Variants in LRIF1 observed in about 807,000 individuals in gnomAD.
LRIF1 encodes the protein ligand dependent nuclear receptor interacting factor 1, also known as ligand-dependent nuclear receptor-interacting factor 1.
A neutral mutation model predicts 52.7 loss-of-function variants in LRIF1; 32 were observed. That is an observed-to-expected ratio of 0.61 (90% confidence interval 0.46 to 0.82). The LOEUF (loss-of-function observed/expected upper bound fraction) is 0.82. Among genes scored for constraint, LRIF1 ranks in the 40% least tolerant of loss-of-function variants. LRIF1 has a pLI of 0.00. For synonymous variants in LRIF1, 323 were observed against 317.4 expected, an observed-to-expected ratio of 1.02 and a Z score of -0.19; for missense variants, 887 against 892.0, an observed-to-expected ratio of 0.99 and a Z score of 0.07.
chr1:110,919,928 G>A, the LRIF1 span, among the ~76,000 whole-genome samples: 3 of 152,048 alleles, frequency 2.0e-5, no homozygotes, highest in African/African-American at 7.2e-5. Context: ...ATATACAGAT[G>A]ACAAATAAAC....
At chr1:110,924,589 C>T in the LRIF1 span, among the ~76,000 whole-genome samples, 1 of 152,180 alleles carries the variant, frequency 6.6e-6, no homozygotes. Flanking sequence ...ATCATGAGAA[C>T]AACATGGAGG....
intron 3 of LRIF1, among the ~76,000 whole-genome samples, chr1:110,948,856 C>G (rs1658330247): frequency 6.6e-6 from 1 of 152,034 alleles, no homozygotes; most frequent in Non-Finnish European, 1.5e-5. Flanking sequence ...ATAGACATTT[C>G]TTTTTATCAT....
chr1:110,912,171 T>TA, the LRIF1 span, among the ~76,000 whole-genome samples: 1 of 152,188 alleles, frequency 6.6e-6, no homozygotes, highest in African/African-American at 2.4e-5. Flanking sequence ...AAAACCAATG[T>TA]AAAAAAATCA....
At chr1:110,949,444 G>C (rs562011558) in intron 3 of LRIF1, among the ~76,000 whole-genome samples, 1 of 145,890 alleles carries the variant, frequency 6.9e-6, no homozygotes, top group East Asian at 2.0e-4. Flanking sequence ...TTTTGAGATG[G>C]AGTCCTGCCC....
At chr1:110,926,354 G>T in the LRIF1 span, among the ~76,000 whole-genome samples, 2 of 151,494 alleles carry the variant, frequency 1.3e-5, no homozygotes, top group Admixed American at 1.3e-4. Flanking sequence ...TGGAAATGGT[G>T]GTATATTCAT....
chr1:110,885,422 T>C, the LRIF1 span, among the ~76,000 whole-genome samples: 1 of 152,172 alleles, frequency 6.6e-6, no homozygotes, highest in South Asian at 2.1e-4. Flanking sequence ...CCTGTAGTCC[T>C]AGCCACTCGG....
chr1:110,931,113 T>A, the LRIF1 span, among the ~76,000 whole-genome samples: 9 of 152,166 alleles, frequency 5.9e-5, no homozygotes, highest in Non-Finnish European at 1.5e-5. Context: ...TAGGTATTTC[T>A]CCTAATGCTA....
At chr1:110,956,975 T>C (rs997266845) in intron 1 of LRIF1, among the ~76,000 whole-genome samples, 11 of 152,226 alleles carry the variant, frequency 7.2e-5, no homozygotes, top group African/African-American at 2.6e-4. Flanking sequence ...CCTAGGTACC[T>C]CTCTGTTGCA....
chr1:110,906,337 G>A, the LRIF1 span, among the ~76,000 whole-genome samples: 6 of 152,084 alleles, frequency 3.9e-5, no homozygotes, highest in Non-Finnish European at 7.4e-5. Context: ...TTGAGGCCAG[G>A]CATTTGAAAC....
At chr1:110,960,625 T>C (rs1658912028) in intron 1 of LRIF1, among the ~76,000 whole-genome samples, 1 of 152,228 alleles carries the variant, frequency 6.6e-6, no homozygotes, top group African/African-American at 2.4e-5. Context: ...AGCCTGAGTT[T>C]CATATTCAAA....
At chr1:110,955,509 C>T (rs973170527) in intron 1 of LRIF1, among the ~76,000 whole-genome samples, 13 of 152,240 alleles carry the variant, frequency 8.5e-5, no homozygotes, top group African/African-American at 2.9e-4. Context: ...ACCATTGCTT[C>T]TGATGCAATG....
At chr1:110,901,789 A>G in the LRIF1 span, among the ~76,000 whole-genome samples, 1 of 152,186 alleles carries the variant, frequency 6.6e-6, no homozygotes, top group Admixed American at 6.5e-5. Flanking sequence ...CATTCTCTTG[A>G]GTATCACAAG....
the LRIF1 span, among the ~76,000 whole-genome samples, chr1:110,903,157 G>T: frequency 6.6e-6 from 1 of 152,202 alleles, no homozygotes; most frequent in East Asian, 1.9e-4. Flanking sequence ...CAGCTACAGT[G>T]CTATGTGTTT....
chr1:110,946,037 C>G (rs1159990104), downstream of LRIF1, among the ~76,000 whole-genome samples: 2 of 152,180 alleles, frequency 1.3e-5, no homozygotes, highest in Non-Finnish European at 2.9e-5. Context: ...CATTAAAAAA[C>G]CTTGTACACA....
the LRIF1 span, chr1:110,941,945 C>T: frequency 1.3e-5 from 2 of 151,962 alleles, no homozygotes; most frequent in African/African-American, 2.4e-5. Flanking sequence ...TTTCTATATC[C>T]TTTCTTTCCT....
rs1658386114 is a variant in LRIF1 at position 110,949,853 on chromosome 1, G to C, written c.1867C>G (p.Gln623Glu). The C allele has an allele frequency of 6.2e-7, 1 of 1,612,764 alleles. No homozygotes were observed. Among genetic ancestry groups the C allele is most frequent in the Non-Finnish European group, 8.5e-7 (1 of 1,179,324 alleles). ...EFMVKEGERK[Q>E]QNFDKKRKAK... ...GCACATTAAAATGTATTACCTACCTGTTTTCTCTCTCCTTCCTTCACCATA... is the reference window on the plus strand; with the variant it reads ...GCACATTAAAATGTATTACCTACCTCTTTTCTCTCTCCTTCCTTCACCATA... Residue 623 changes from glutamine to glutamate, a missense_variant and splice_region_variant, in exon 3 of 4, where the codon CAG (glutamine) becomes GAG (glutamate). Gln to Glu is a conservative substitution (Grantham distance 29). Coordinates refer to ENST00000369763, the MANE Select transcript of LRIF1 (RefSeq NM_018372.4).
chr1:110,959,494 G>A (rs1208576321), intron 1 of LRIF1, among the ~76,000 whole-genome samples: 1 of 152,100 alleles, frequency 6.6e-6, no homozygotes, highest in Admixed American at 6.5e-5. Context: ...GCTCATGCTT[G>A]TAATCCCAGC....
At chr1:110,949,223 T>A (rs1201114864) in intron 3 of LRIF1, among the ~76,000 whole-genome samples, 1 of 151,948 alleles carries the variant, frequency 6.6e-6, no homozygotes, top group Non-Finnish European at 1.5e-5. Flanking sequence ...GTTCAAGCGA[T>A]TCTCCTGCCC....
chr1:110,901,998 T>C, the LRIF1 span, among the ~76,000 whole-genome samples: 73 of 152,298 alleles, frequency 4.8e-4, 1 homozygote, highest in East Asian at 0.011. Flanking sequence ...GTCATGAAGC[T>C]CTGAGGATTC....
Sources: gnomAD v4.1 joint callset for allele counts (sites outside exome capture counted in the v4.1 genomes callset) on GRCh38, gnomAD v4.1.1 for gene constraint, MANE v1.5 for transcripts, NCBI Gene and HGNC (gene_info 2026-07-23, HGNC 2026-07-21) for gene names.